CHRDL1: variants seen among roughly 807,000 people sequenced by gnomAD.
CHRDL1 encodes chordin-like protein 1.
CHRDL1 carries 19 observed loss-of-function variants against 40.9 expected under a neutral mutation model. The ratio of observed to expected loss-of-function variants is 0.46; its 90% CI spans 0.32 to 0.68. CHRDL1 has a LOEUF of 0.68. Ranked by LOEUF, CHRDL1 falls within the 30% of genes least tolerant of loss-of-function variation. The pLI is 0.03. For synonymous variants in CHRDL1, 136 were observed against 123.4 expected, an observed-to-expected ratio of 1.10 and a Z score of -0.68; for missense variants, 329 against 352.1, an observed-to-expected ratio of 0.93 and a Z score of 0.53.
intron 2 of CHRDL1, among the ~76,000 whole-genome samples, chrX:110,777,046 G>T (rs1010900335): frequency 2.7e-5 from 3 of 111,009 alleles, no homozygotes; most frequent in African/African-American, 9.8e-5. Flanking sequence ...TCTCTTCATT[G>T]TCTCCATAGT....
At chrX:110,689,598 ATATATATCTATATATCTATATATC>A (rs1384469830) in intron 8 of CHRDL1, among the ~76,000 whole-genome samples, 1 of 18,293 alleles carries the variant, frequency 5.5e-5, no homozygotes, top group East Asian at 7.6e-4. Flanking sequence ...CTATATATCT[ATATATATCTATATATCTATATATC>A]TATATATCTA....
chrX:110,795,235 C>T (rs1323161336), intron 1 of CHRDL1, among the ~76,000 whole-genome samples: 1 of 111,435 alleles, frequency 9.0e-6, no homozygotes, highest in African/African-American at 3.3e-5. Flanking sequence ...CAATATACCA[C>T]GTTGCTTCCA....
At chrX:110,769,965 TA>T (rs1453453725) in intron 2 of CHRDL1, among the ~76,000 whole-genome samples, 1 of 112,529 alleles carries the variant, frequency 8.9e-6, no homozygotes, top group Non-Finnish European at 1.9e-5. Context: ...AGATGCCTCA[TA>T]TCAATGATTG....
chrX:110,767,020 G>T (rs2148514302), intron 2 of CHRDL1, among the ~76,000 whole-genome samples: 1 of 112,408 alleles, frequency 8.9e-6, no homozygotes, highest in Admixed American at 9.4e-5. Context: ...TACCAGGGAT[G>T]CAAGGATGGT....
At chrX:110,699,491 T>C (rs2070467628) in intron 7 of CHRDL1, among the ~76,000 whole-genome samples, 1 of 112,337 alleles carries the variant, frequency 8.9e-6, no homozygotes, top group Admixed American at 9.5e-5. Context: ...ATTACAAAAC[T>C]AATTGATGCT....
chrX:110,722,260 GTGCTGGGAT>G (rs751905157), intron 4 of CHRDL1, among the ~76,000 whole-genome samples: 1 of 110,909 alleles, frequency 9.0e-6, no homozygotes, highest in East Asian at 2.8e-4. Flanking sequence ...TCTTCCCAAA[GTGCTGGGAT>G]TACAGGCGTG....
intron 4 of CHRDL1, among the ~76,000 whole-genome samples, chrX:110,749,833 A>G (rs1271577862): frequency 8.9e-6 from 1 of 112,309 alleles, no homozygotes; most frequent in Non-Finnish European, 1.9e-5. Context: ...AAAACCCTGA[A>G]GTAAAACTCT....
chrX:110,677,484 A>G (rs1040798893), intron 11 of CHRDL1, among the ~76,000 whole-genome samples: 46 of 111,178 alleles, frequency 4.1e-4, no homozygotes, highest in African/African-American at 1.4e-3. Flanking sequence ...TCCATTATAT[A>G]CCCCAAATCC....
intron 1 of CHRDL1, among the ~76,000 whole-genome samples, chrX:110,794,356 G>A (rs2090150294): frequency 1.8e-5 from 2 of 111,809 alleles, no homozygotes; most frequent in South Asian, 7.5e-4. Flanking sequence ...TTGTGCCATT[G>A]AACTTGCACT....
chrX:110,687,522 T>C (rs979625602), intron 9 of CHRDL1, among the ~76,000 whole-genome samples: 4 of 112,179 alleles, frequency 3.6e-5, no homozygotes, highest in Non-Finnish European at 7.5e-5. Context: ...AAGAAGTATA[T>C]AATTTAGCTC....
In CHRDL1 at chrX:110,732,635, A is replaced by T. The variant is rs140816899; in HGVS notation, c.302-11105T>A. Among the ~76,000 whole-genome samples, 364 of 111,756 alleles carry T rather than the reference A, an allele frequency of 3.3e-3. 2 individuals carry two copies. Among genetic ancestry groups the T allele is most frequent in the Middle Eastern group, 0.014 (3 of 217 alleles). On this transcript the variant is annotated intron_variant, in intron 4 of 11. Transcript: ENST00000372042. ...TTCCGTCAGTGTTTCAGCTGCTGTC[A>T]GTCAGTAGCTGACCCTGCCTGAATA...
chrX:110,790,558 G>A (rs1320128662), intron 2 of CHRDL1, among the ~76,000 whole-genome samples: 1 of 111,097 alleles, frequency 9.0e-6, no homozygotes, highest in Non-Finnish European at 1.9e-5. Flanking sequence ...TCTAAGACAG[G>A]AAGATTTTTT....
rs2070919642 is a variant in CHRDL1, at chrX:110,720,024, C to T, written c.448-96G>A. On this transcript the variant is annotated intron_variant, in intron 5 of 11. Transcript: ENST00000372042. ...AATAGAGCAGGGACTCAAAACACGG[C>T]ATGTCCTTCCCCCCAGCTCTCCCAT... The T allele has an allele frequency of 6.4e-6, 3 of 470,502 alleles. No homozygotes were observed. In the East Asian group the frequency reaches 1.2e-4, roughly 18 times the overall value. The allele number at this position is 470,502 out of a possible 1,213,427, so 38.8% of individuals were successfully genotyped here.
chrX:110,740,618 T>C (rs1306301172), intron 4 of CHRDL1, among the ~76,000 whole-genome samples: 2 of 112,395 alleles, frequency 1.8e-5, no homozygotes, highest in Admixed American at 9.4e-5. Flanking sequence ...CCAATTCTGA[T>C]TACTATGGAG....
chrX:110,752,495 T>C (rs1331959232), intron 4 of CHRDL1, among the ~76,000 whole-genome samples: 1 of 111,623 alleles, frequency 9.0e-6, no homozygotes, highest in Non-Finnish European at 1.9e-5. Flanking sequence ...GAACAGTCAG[T>C]ATGGACATGG....
chrX:110,677,757 G>A (rs1417087966), intron 11 of CHRDL1, among the ~76,000 whole-genome samples: 2 of 111,500 alleles, frequency 1.8e-5, no homozygotes, highest in African/African-American at 6.5e-5. Context: ...GCTGCCTATT[G>A]GACCCTAACT....
intron 2 of CHRDL1, among the ~76,000 whole-genome samples, chrX:110,778,934 C>A (rs2089895209): frequency 8.9e-6 from 1 of 111,748 alleles, no homozygotes; most frequent in African/African-American, 3.2e-5. Context: ...AGAATGAGGT[C>A]ATGTCCTTTG....
chrX:110,767,340 G>C (rs1174519288), intron 2 of CHRDL1, among the ~76,000 whole-genome samples: 1 of 110,894 alleles, frequency 9.0e-6, no homozygotes, highest in Non-Finnish European at 1.9e-5. Flanking sequence ...GTCCTAGCCA[G>C]AGCAATCAGA....
chrX:110,738,365 A>C (rs1349479388), intron 4 of CHRDL1, among the ~76,000 whole-genome samples: 1 of 112,146 alleles, frequency 8.9e-6, no homozygotes, highest in African/African-American at 3.3e-5. Flanking sequence ...AGCCTAAATA[A>C]AACAAGAAGA....
Sources: allele counts gnomAD v4.1 joint callset (sites outside exome capture counted in the v4.1 genomes callset), GRCh38; gene constraint gnomAD v4.1.1; transcripts MANE v1.5; gene names NCBI Gene and HGNC (gene_info 2026-07-23, HGNC 2026-07-21).